The following PALM2AKAP2 variants were observed in gnomAD, a reference collection of about 807,000 sequenced individuals.
PALM2AKAP2 encodes the protein PALM2 and AKAP2 fusion.
A neutral mutation model predicts 71.5 loss-of-function variants in PALM2AKAP2; 37 were observed. The ratio of observed to expected loss-of-function variants is 0.52; its 90% CI spans 0.40 to 0.68. PALM2AKAP2 has a LOEUF of 0.68. Ranked by LOEUF, PALM2AKAP2 falls within the 30% of genes least tolerant of loss-of-function variation. The probability of loss-of-function intolerance (pLI) is 0.00; values close to 1 mark genes in which losing one functional copy is unlikely to be tolerated. For missense variants in PALM2AKAP2, 1,224 were observed against 1,191.8 expected (o/e 1.03, Z -0.40); for synonymous variants, 468 against 478.8 (o/e 0.98, Z 0.29).
chr9:109,840,329 C>T (rs140551276), intron 1 of PALM2AKAP2, among the ~76,000 whole-genome samples: 1 of 152,182 alleles, frequency 6.6e-6, no homozygotes, highest in Non-Finnish European at 1.5e-5. Context: ...AAAGCTGAAA[C>T]TGGATCCCTT....
chr9:109,842,910 G>A (rs1828740170), intron 1 of PALM2AKAP2, among the ~76,000 whole-genome samples: 1 of 152,066 alleles, frequency 6.6e-6, no homozygotes, highest in African/African-American at 2.4e-5. Context: ...GGAGGCCAAT[G>A]AGGGCGGATC....
chr9:110,116,103 C>T (rs1835355454), intron 1 of PALM2AKAP2, among the ~76,000 whole-genome samples: 1 of 152,148 alleles, frequency 6.6e-6, no homozygotes, highest in Non-Finnish European at 1.5e-5. Flanking sequence ...GACCCTCAGG[C>T]TCCACCGGAT....
chr9:110,092,402 T>G (rs1472731021), intron 1 of PALM2AKAP2, among the ~76,000 whole-genome samples: 8 of 152,240 alleles, frequency 5.3e-5, no homozygotes, highest in African/African-American at 1.7e-4. Context: ...TTGTACAATC[T>G]GAATATTGTT....
chr9:109,841,292 C>T (rs1474749968), intron 1 of PALM2AKAP2, among the ~76,000 whole-genome samples: 3 of 148,152 alleles, frequency 2.0e-5, no homozygotes, highest in Admixed American at 1.4e-4. Context: ...CGCATGTTCT[C>T]ACTCATAGGT....
At chr9:109,929,240 T>C (rs1485067918) in intron 5 of PALM2AKAP2, among the ~76,000 whole-genome samples, 1 of 150,566 alleles carries the variant, frequency 6.6e-6, no homozygotes, top group Non-Finnish European at 1.5e-5. Flanking sequence ...GACCAGTCCA[T>C]GAGATCTCAC....
chr9:110,086,542 C>G (rs564189517), intron 1 of PALM2AKAP2, among the ~76,000 whole-genome samples: 1 of 152,338 alleles, frequency 6.6e-6, no homozygotes, highest in East Asian at 1.9e-4. Flanking sequence ...TGGGGCTCCA[C>G]TGATTATTAC....
chr9:109,917,640 C>T (rs1242904163), intron 3 of PALM2AKAP2, among the ~76,000 whole-genome samples: 5 of 152,020 alleles, frequency 3.3e-5, no homozygotes, highest in Admixed American at 6.6e-5. Context: ...GGGTATATGT[C>T]ACCATGCCCA....
chr9:110,085,163 G>C (rs914098743), intron 1 of PALM2AKAP2, among the ~76,000 whole-genome samples: 5 of 152,194 alleles, frequency 3.3e-5, no homozygotes, highest in African/African-American at 9.7e-5. Flanking sequence ...AGGGAAGCAG[G>C]CCGAAGTGGT....
intron 7 of PALM2AKAP2, among the ~76,000 whole-genome samples, chr9:110,028,393 G>A (rs1166096813): frequency 6.6e-5 from 10 of 152,154 alleles, no homozygotes; most frequent in Non-Finnish European, 1.5e-4. Context: ...GTGTTCTCTT[G>A]CCAACAATAA....
intron 3 of PALM2AKAP2, among the ~76,000 whole-genome samples, chr9:110,160,600 C>T (rs1362708209): frequency 1.3e-5 from 2 of 152,220 alleles, no homozygotes; most frequent in African/African-American, 4.8e-5. Context: ...AGTGACATGA[C>T]TGTATTTAGG....
At chr9:110,051,850 A>G (rs1163074203) in intron 1 of PALM2AKAP2, among the ~76,000 whole-genome samples, 1 of 151,546 alleles carries the variant, frequency 6.6e-6, no homozygotes, top group African/African-American at 2.4e-5. Flanking sequence ...GAAGTAATTG[A>G]TTAGTATCTT....
intron 1 of PALM2AKAP2, among the ~76,000 whole-genome samples, chr9:109,758,554 C>A (rs1564136967): frequency 6.9e-6 from 1 of 144,850 alleles, no homozygotes; most frequent in Admixed American, 7.0e-5. Flanking sequence ...GTGTGTGTGT[C>A]AATGTAAAGA....
At chr9:109,913,842 C>T (rs899654733) in intron 3 of PALM2AKAP2, among the ~76,000 whole-genome samples, 7 of 150,764 alleles carry the variant, frequency 4.6e-5, no homozygotes, top group African/African-American at 1.2e-4. Context: ...CTGCAAGCTC[C>T]GCCTCCTGGG....
chr9:109,650,963 C>T (rs1355955034), intron 1 of PALM2AKAP2, among the ~76,000 whole-genome samples: 7 of 152,134 alleles, frequency 4.6e-5, no homozygotes, highest in African/African-American at 1.7e-4. Context: ...AAAAAGAGTT[C>T]ATGAATGAGA....
intron 1 of PALM2AKAP2, among the ~76,000 whole-genome samples, chr9:109,688,403 C>T (rs781692290): frequency 7.9e-5 from 12 of 152,202 alleles, no homozygotes; most frequent in African/African-American, 1.4e-4. Context: ...GATGATGGAG[C>T]GCCCATAGGG....
chr9:109,769,882 T>A (rs1400521638), intron 1 of PALM2AKAP2, among the ~76,000 whole-genome samples: 2 of 152,108 alleles, frequency 1.3e-5, no homozygotes, highest in South Asian at 4.2e-4. Flanking sequence ...AACTACTGTA[T>A]GTAGATGCAA....
intron 2 of PALM2AKAP2, among the ~76,000 whole-genome samples, chr9:110,149,152 A>G (rs1345655592): frequency 6.6e-6 from 1 of 152,242 alleles, no homozygotes; most frequent in African/African-American, 2.4e-5. Flanking sequence ...TATTTATGAT[A>G]AATAAACAGG....
intron 1 of PALM2AKAP2, among the ~76,000 whole-genome samples, chr9:109,741,104 C>A (rs938050779): frequency 1.3e-5 from 2 of 152,250 alleles, no homozygotes; most frequent in Middle Eastern, 3.4e-3. Flanking sequence ...ATTTTCATCA[C>A]CTCAGAAAGT....
chr9:110,172,398 G>A (rs1032569612), exon 4 of PALM2AKAP2: 11 of 152,606 alleles, frequency 7.2e-5, no homozygotes, highest in African/African-American at 2.7e-4. Flanking sequence ...TCCTGTGTAT[G>A]TTAACCACTT....
Sources: allele counts gnomAD v4.1 joint callset (sites outside exome capture counted in the v4.1 genomes callset), GRCh38; gene constraint gnomAD v4.1.1; transcripts MANE v1.5; gene names NCBI Gene and HGNC (gene_info 2026-07-23, HGNC 2026-07-21).